Variants in LDLRAD4 observed in about 807,000 individuals in gnomAD.
LDLRAD4 encodes the protein low density lipoprotein receptor class A domain containing 4.
In LDLRAD4, 5 loss-of-function variants were observed where a neutral mutation model predicts 17.0. The ratio of observed to expected loss-of-function variants is 0.29; its 90% CI spans 0.15 to 0.62. The LOEUF (loss-of-function observed/expected upper bound fraction) is 0.62, where lower values mean the gene tolerates loss of function less well. Ranked by LOEUF, LDLRAD4 falls within the 20% of genes least tolerant of loss-of-function variation. The pLI, the probability that LDLRAD4 is intolerant of heterozygous loss-of-function variation, is 0.84. For synonymous variants in LDLRAD4, 168 were observed against 171.8 expected (o/e 0.98, Z 0.17); for missense variants, 340 against 424.7 (o/e 0.80, Z 1.75).
At chr18:13,641,697 G>A in intron 4 of LDLRAD4, 1 of 961,574 alleles carries the variant, frequency 1.0e-6, no homozygotes. Flanking sequence ...TGTCCGGGCT[G>A]GCGGGGCCGC....
intron 3 of LDLRAD4, among the ~76,000 whole-genome samples, chr18:13,534,237 CTT>C (rs2094170277): frequency 6.6e-6 from 1 of 152,286 alleles, no homozygotes; most frequent in African/African-American, 2.4e-5. Context: ...TATATCAACA[CTT>C]TTTAAATTAA....
At chr18:13,253,857 C>A (rs754910111) in intron 1 of LDLRAD4, among the ~76,000 whole-genome samples, 1 of 152,224 alleles carries the variant, frequency 6.6e-6, no homozygotes, top group African/African-American at 2.4e-5. Context: ...GATAACAAAT[C>A]TCATGGCAGG....
chr18:13,446,028 G>T (rs748280316), intron 3 of LDLRAD4, among the ~76,000 whole-genome samples: 14 of 152,336 alleles, frequency 9.2e-5, no homozygotes, highest in Middle Eastern at 3.4e-3. Flanking sequence ...GGCAATTAGA[G>T]TAATACCTGG....
chr18:13,400,122 G>T (rs2145489773), intron 2 of LDLRAD4, among the ~76,000 whole-genome samples: 1 of 152,324 alleles, frequency 6.6e-6, no homozygotes. Flanking sequence ...TGGGCACTGG[G>T]CTAGGTGCTT....
chr18:13,271,893 C>CTTTTTTT lies in LDLRAD4; in HGVS notation c.-466-6194_-466-6188dup, dbSNP rs753254188. Among the ~76,000 whole-genome samples, 15 of 79,026 alleles carry CTTTTTTT rather than the reference C, an allele frequency of 1.9e-4. 1 individual carries two copies. The highest frequency in any genetic ancestry group is 3.2e-4 in the African/African-American group (6 of 18,738). The allele number at this position is 79,026 out of a possible 152,430, so 51.8% of individuals were successfully genotyped here. A position where few individuals can be genotyped will look rare whatever the true frequency, so the allele number is the denominator to read the frequency against. On this transcript the variant is annotated intron_variant, in intron 1 of 5. Coordinates refer to the LDLRAD4 transcript ENST00000399848. The stretch of plus-strand genomic sequence containing the variant: ...TTCCACCCCACCCTCCTGTTCAGTG[C>CTTTTTTT]TTTTTTTTTTTTTTTTTTTTTTTTA...
chr18:13,566,644 A>G (rs897799270), intron 3 of LDLRAD4, among the ~76,000 whole-genome samples: 3 of 152,170 alleles, frequency 2.0e-5, no homozygotes, highest in African/African-American at 7.2e-5. Context: ...TACAGGCACG[A>G]GACGCTGCGC....
At position 13,254,335 on chromosome 18, in the gene LDLRAD4, C is replaced by T. The variant is rs556151459; in HGVS notation, c.-466-23770C>T. Among the ~76,000 whole-genome samples, 7 of 152,282 alleles carry T rather than the reference C, an allele frequency of 4.6e-5. No individual in the cohort carries two copies. In the East Asian group the frequency reaches 1.4e-3, roughly 29 times the overall value. ...TGAGGCTGAGTGGGATCTTATAGGC[C>T]TTGGGGAGCCATTGGAGTGTTTTCA... On this transcript the variant is annotated intron_variant, in intron 1 of 5. Transcript: ENST00000399848.
chr18:13,373,897 C>A (rs1341556793), intron 1 of LDLRAD4, among the ~76,000 whole-genome samples: 1 of 152,084 alleles, frequency 6.6e-6, no homozygotes, highest in Non-Finnish European at 1.5e-5. Flanking sequence ...CCAAAATTCT[C>A]TCATTTCTTT....
chr18:13,439,211 A>G (rs529570940), intron 3 of LDLRAD4, among the ~76,000 whole-genome samples: 1 of 152,182 alleles, frequency 6.6e-6, no homozygotes, highest in African/African-American at 2.4e-5. Flanking sequence ...TATATTTGAG[A>G]CAGATTTTAA....
rs1011283974 is a variant in LDLRAD4, at chr18:13,523,453, C to T, written c.181+85069C>T. Among the ~76,000 whole-genome samples the T allele has an allele frequency of 9.9e-5, 15 of 152,214 alleles. No homozygotes were observed. The East Asian group carries it at 1.2e-3, about 12-fold the overall frequency. On this transcript the variant is annotated intron_variant, in intron 3 of 5. Coordinates refer to ENST00000359446, the Ensembl canonical transcript of LDLRAD4. ...ATAGCAAGGGACTGAATTCTGCTGA[C>T]GGTACAGGCGAATGCTGAAGAGGAC...
At chr18:13,626,501 GGA>G (rs1224641129) in intron 4 of LDLRAD4, among the ~76,000 whole-genome samples, 1 of 152,178 alleles carries the variant, frequency 6.6e-6, no homozygotes, top group Non-Finnish European at 1.5e-5. Flanking sequence ...GCGGATGGAG[GGA>G]GAGGCAGGAG....
chr18:13,609,095 G>C (rs1310528963), intron 3 of LDLRAD4, among the ~76,000 whole-genome samples: 1 of 152,214 alleles, frequency 6.6e-6, no homozygotes, highest in Non-Finnish European at 1.5e-5. Flanking sequence ...AAGATGATGA[G>C]GGAGGAGAGA....
At chr18:13,642,058 G>A (rs2042616799) in intron 4 of LDLRAD4, 7 of 985,596 alleles carry the variant, frequency 7.1e-6, no homozygotes, top group Non-Finnish European at 8.4e-6. Context: ...GTGCCTGCCA[G>A]GCCGGGCCCT....
chr18:13,231,254 G>A (rs2042057371), intron 1 of LDLRAD4, among the ~76,000 whole-genome samples: 1 of 152,206 alleles, frequency 6.6e-6, no homozygotes, highest in Non-Finnish European at 1.5e-5. Context: ...GACCGGTTTT[G>A]CTTGAGAAGA....
At chr18:13,321,861 C>CAAAAAAAAAAAAAAAAAA (rs57033432) in intron 1 of LDLRAD4, among the ~76,000 whole-genome samples, 31 of 62,138 alleles carry the variant, frequency 5.0e-4, no homozygotes, top group East Asian at 1.1e-3. Flanking sequence ...GACTCCGTCT[C>CAAAAAAAAAAAAAAAAAA]AAAAAAAAAA....
chr18:13,430,535 G>A (rs2146024004), intron 2 of LDLRAD4, among the ~76,000 whole-genome samples: 1 of 152,286 alleles, frequency 6.6e-6, no homozygotes, highest in East Asian at 1.9e-4. Context: ...GTTGTACACA[G>A]TGAGATCCCG....
At chr18:13,357,616 TA>T (rs554143191) in intron 1 of LDLRAD4, among the ~76,000 whole-genome samples, 95 of 152,318 alleles carry the variant, frequency 6.2e-4, no homozygotes, top group Non-Finnish European at 1.2e-3. Context: ...AGAAGTGGTA[TA>T]TTTTTTCATC....
intron 4 of LDLRAD4, among the ~76,000 whole-genome samples, chr18:13,637,244 G>A (rs937357597): frequency 6.6e-6 from 1 of 151,982 alleles, no homozygotes; most frequent in Admixed American, 6.6e-5. Flanking sequence ...TGCCTCGGTG[G>A]GAAGCTGACT....
At chr18:13,454,911 G>C (rs992139699) in intron 3 of LDLRAD4, among the ~76,000 whole-genome samples, 2 of 152,264 alleles carry the variant, frequency 1.3e-5, no homozygotes, top group African/African-American at 2.4e-5. Context: ...ACTTGGCTGC[G>C]CACAGTGCTG....
Sources: allele counts gnomAD v4.1 joint callset (sites outside exome capture counted in the v4.1 genomes callset), GRCh38; gene constraint gnomAD v4.1.1; transcripts MANE v1.5; gene names NCBI Gene and HGNC (gene_info 2026-07-23, HGNC 2026-07-21).